Variants in PRKG1 observed in about 807,000 individuals in gnomAD.
PRKG1 encodes the protein cGMP-dependent protein kinase 1.
Under a neutral mutation model 88.1 loss-of-function variants are expected in PRKG1, and 35 were observed. That is an observed-to-expected ratio of 0.40 (90% CI 0.30 to 0.53). The LOEUF (loss-of-function observed/expected upper bound fraction) is 0.53. Ranked by LOEUF, PRKG1 falls within the 20% of genes least tolerant of loss-of-function variation. PRKG1 has a pLI of 0.59. For synonymous variants in PRKG1, 303 were observed against 292.5 expected, an observed-to-expected ratio of 1.04 and a Z score of -0.37; for missense variants, 540 against 839.8, an observed-to-expected ratio of 0.64 and a Z score of 4.41.
In PRKG1 at chr10:52,297,802, C is replaced by T. The variant is rs1211978701; in HGVS notation, c.*3902C>T. 2.0e-5 allele frequency: 3 copies of T among 152,284 alleles called. No individual in the cohort carries two copies. Among genetic ancestry groups the T allele is most frequent in the South Asian group, 2.1e-4 (1 of 4,832 alleles). 9.4% of individuals were successfully genotyped at this position (152,284 alleles called of 1,614,324 possible). On this transcript the variant is annotated 3_prime_UTR_variant, in exon 18 of 18. Transcript: ENST00000373980. ...TTGGAAATGACTGCTAACCAGACCT[C>T]GTTATGAAACCAATGATGAAAAAGT...
intron 9 of PRKG1, among the ~76,000 whole-genome samples, chr10:52,187,740 GC>G (rs1454374313): frequency 6.6e-6 from 1 of 152,124 alleles, no homozygotes; most frequent in Non-Finnish European, 1.5e-5. Flanking sequence ...ATCCCCAAAT[GC>G]TACCATGAGC....
At chr10:51,824,497 G>A (rs1368751578) in intron 4 of PRKG1, among the ~76,000 whole-genome samples, 1 of 152,052 alleles carries the variant, frequency 6.6e-6, no homozygotes, top group Non-Finnish European at 1.5e-5. Context: ...GTGGATTAAT[G>A]TCTAACACAC....
intron 2 of PRKG1, among the ~76,000 whole-genome samples, chr10:51,166,507 A>T (rs1379194486): frequency 6.6e-6 from 1 of 152,212 alleles, no homozygotes; most frequent in African/African-American, 2.4e-5. Flanking sequence ...CAAGTAAATT[A>T]AAAATGAGTC....
chr10:51,799,682 A>G (rs957083199), intron 3 of PRKG1, among the ~76,000 whole-genome samples: 1 of 151,982 alleles, frequency 6.6e-6, no homozygotes, highest in African/African-American at 2.4e-5. Flanking sequence ...GTATAAAAGT[A>G]TTTTGATGTT....
intron 3 of PRKG1, among the ~76,000 whole-genome samples, chr10:51,606,377 T>G (rs1341472936): frequency 6.6e-6 from 1 of 152,190 alleles, no homozygotes; most frequent in Non-Finnish European, 1.5e-5. Flanking sequence ...AGAGTTCTGT[T>G]ATGCAGCCAT....
chr10:51,976,574 T>C (rs1048319375), intron 5 of PRKG1, among the ~76,000 whole-genome samples: 2 of 152,114 alleles, frequency 1.3e-5, no homozygotes, highest in South Asian at 4.1e-4. Flanking sequence ...CAGTAGTAGA[T>C]TCATTATTGC....
chr10:51,357,392 A>G (rs1842388997), intron 2 of PRKG1, among the ~76,000 whole-genome samples: 1 of 151,912 alleles, frequency 6.6e-6, no homozygotes, highest in South Asian at 2.1e-4. Flanking sequence ...CTTCTGTTGG[A>G]AATACCACTC....
At chr10:51,835,994 A>C (rs1177996965) in intron 4 of PRKG1, among the ~76,000 whole-genome samples, 1 of 151,966 alleles carries the variant, frequency 6.6e-6, no homozygotes, top group Non-Finnish European at 1.5e-5. Context: ...GATGTTGAGC[A>C]TTTTTTTTAT....
chr10:51,816,552 T>TGTGTGTGTGTGC (rs1839592421), intron 4 of PRKG1, among the ~76,000 whole-genome samples: 1 of 151,468 alleles, frequency 6.6e-6, no homozygotes, highest in African/African-American at 2.4e-5. Flanking sequence ...TGTGTGTGTG[T>TGTGTGTGTGTGC]GTGTGTGTGT....
intron 2 of PRKG1, among the ~76,000 whole-genome samples, chr10:51,330,857 G>A (rs879461976): frequency 2.6e-5 from 4 of 152,192 alleles, no homozygotes; most frequent in African/African-American, 4.8e-5. Context: ...CTTGATCCTT[G>A]TGTCTGCATA....
chr10:51,981,502 C>G (rs905129290), intron 5 of PRKG1, among the ~76,000 whole-genome samples: 4 of 152,084 alleles, frequency 2.6e-5, no homozygotes, highest in Non-Finnish European at 4.4e-5. Context: ...AGTATAATTA[C>G]TGGAACCTGG....
At chr10:51,804,731 C>G in intron 4 of PRKG1, 41 bp downstream of exon 4, 1 of 1,390,360 alleles carries the variant, frequency 7.2e-7, no homozygotes, top group Non-Finnish European at 1.0e-6. Context: ...GTTTACTTTC[C>G]TTTTAGCCCT....
intron 7 of PRKG1, among the ~76,000 whole-genome samples, chr10:52,113,574 T>C (rs1847617534): frequency 6.6e-6 from 1 of 152,090 alleles, no homozygotes; most frequent in South Asian, 2.1e-4. Context: ...GCAGCAGATA[T>C]CTGATGAAGT....
intron 1 of PRKG1, among the ~76,000 whole-genome samples, chr10:51,026,061 A>G (rs61849708): frequency 1.3e-5 from 2 of 152,222 alleles, no homozygotes; most frequent in East Asian, 3.9e-4. Context: ...AAAAACAGAG[A>G]TTGGGGTGAT....
At chr10:51,586,078 C>T (rs907955032) in intron 3 of PRKG1, among the ~76,000 whole-genome samples, 2 of 151,960 alleles carry the variant, frequency 1.3e-5, no homozygotes, top group Non-Finnish European at 2.9e-5. Context: ...CTCGGTATCA[C>T]GCAACATACC....
chr10:51,547,589 GAC>G (rs1249858865), intron 3 of PRKG1, among the ~76,000 whole-genome samples: 1 of 151,924 alleles, frequency 6.6e-6, no homozygotes, highest in Non-Finnish European at 1.5e-5. Context: ...AATTTGTTTG[GAC>G]ACAAGTCCTT....
intron 7 of PRKG1, among the ~76,000 whole-genome samples, chr10:52,096,422 G>A (rs1847174481): frequency 6.6e-6 from 1 of 152,092 alleles, no homozygotes; most frequent in African/African-American, 2.4e-5. Context: ...GCTTCTGCAG[G>A]TTTCTGAGTT....
At chr10:51,962,042 A>G (rs1201926179) in intron 5 of PRKG1, among the ~76,000 whole-genome samples, 1 of 152,204 alleles carries the variant, frequency 6.6e-6, no homozygotes, top group African/African-American at 2.4e-5. Flanking sequence ...TTGAAGGGCT[A>G]TGGGGACAAA....
intron 2 of PRKG1, among the ~76,000 whole-genome samples, chr10:51,218,530 TAA>T (rs60498476): frequency 0.1 from 6,360 of 62,288 alleles, 530 homozygotes; most frequent in African/African-American, 0.2. Context: ...TATATATATA[TAA>T]AATGTGTGTA....
Sources: gnomAD v4.1 joint callset for allele counts (sites outside exome capture counted in the v4.1 genomes callset) on GRCh38, gnomAD v4.1.1 for gene constraint, MANE v1.5 for transcripts, NCBI Gene and HGNC (gene_info 2026-07-23, HGNC 2026-07-21) for gene names.